The following RECK variants were observed in gnomAD, a reference collection of about 807,000 sequenced individuals.
RECK encodes reversion inducing cysteine rich protein with kazal motifs, also known as reversion-inducing cysteine-rich protein with Kazal motifs.
Under a neutral mutation model 115.1 loss-of-function variants are expected in RECK, and 69 were observed. That is an observed-to-expected ratio of 0.60 (90% CI 0.49 to 0.73). RECK has a LOEUF of 0.73. Among genes scored for constraint, RECK ranks in the 30% least tolerant of loss-of-function variants. RECK has a pLI of 0.00. For missense variants in RECK, 1,047 were observed against 1,203.7 expected (o/e 0.87, Z 1.93); for synonymous variants, 414 against 419.7 (o/e 0.99, Z 0.17).
chr9:36,117,072 T>C lies in RECK; in HGVS notation c.2148T>C (p.Cys716=), dbSNP rs1824296525. Residue 716 remains cysteine (C), a synonymous_variant, in exon 17 of 21, where the codon TGT becomes TGC. Transcript: ENST00000377966. The part of the protein sequence containing the change: ...QYECVPRQLA[C]DQVQDPVCDT... Reference sequence around the variant, plus strand: ...AGTGTGTACCAAGACAGCTCGCGTGTGACCAGGTCCAAGATCCTGTTTGTG... The same window carrying C: ...AGTGTGTACCAAGACAGCTCGCGTGCGACCAGGTCCAAGATCCTGTTTGTG... 3 of 1,614,186 alleles carry C rather than the reference T, an allele frequency of 1.9e-6. No homozygotes were observed. Among genetic ancestry groups the C allele is most frequent in the Non-Finnish European group, 2.5e-6 (3 of 1,180,010 alleles).
chr9:36,091,377 T>C (rs911563575), intron 10 of RECK, 34 bp downstream of exon 10: 6 of 1,350,324 alleles, frequency 4.4e-6, no homozygotes, highest in Non-Finnish European at 5.9e-6. Context: ...AATGGAAATA[T>C]TTTATCATTA....
chr9:36,061,809 A>G (rs1821779358), intron 4 of RECK, among the ~76,000 whole-genome samples: 1 of 152,214 alleles, frequency 6.6e-6, no homozygotes, highest in Admixed American at 6.5e-5. Flanking sequence ...TAAGCTTATA[A>G]TATGCAGTAT....
chr9:36,038,521 G>A (rs1322682714), intron 1 of RECK, among the ~76,000 whole-genome samples: 1 of 152,188 alleles, frequency 6.6e-6, no homozygotes, highest in Non-Finnish European at 1.5e-5. Flanking sequence ...CAACCAGTCA[G>A]TTCTGCAGGA....
chr9:36,121,628 C>G lies in RECK; in HGVS notation c.2634C>G (p.Ser878Arg), dbSNP rs1476319577. The G allele has an allele frequency of 1.2e-6, 2 of 1,614,064 alleles. No individual in the cohort carries two copies. Among genetic ancestry groups the G allele is most frequent in the East Asian group, 4.5e-5 (2 of 44,904 alleles). ...VPQCDVFGYF[S>R]IESEIVILII... is the part of the protein sequence containing the mutation. ...AGTGTGATGTGTTTGGATACTTCAG[C>G]ATTGAATCAGAAATTGTGATCCTGA... Residue 878 changes from serine (S) to arginine (R), a missense_variant, in exon 20 of 21, where the codon AGC becomes AGG. Transcript: ENST00000377966.
intron 1 of RECK, among the ~76,000 whole-genome samples, chr9:36,050,267 TCTC>T (rs1014522967): frequency 1.3e-5 from 2 of 152,198 alleles, no homozygotes; most frequent in Non-Finnish European, 2.9e-5. Context: ...CTCTCTGAGA[TCTC>T]CTCCCTTAGT....
chr9:36,094,330 G>C lies in RECK; in HGVS notation c.1085+2987G>C, dbSNP rs1239855203. Among the ~76,000 whole-genome samples the C allele has an allele frequency of 6.6e-6, 1 of 151,950 alleles. No homozygotes were observed. Among genetic ancestry groups the C allele is most frequent in the Non-Finnish European group, 1.5e-5 (1 of 67,966 alleles). On this transcript the variant is annotated intron_variant, in intron 10 of 20. Transcript: ENST00000377966. The surrounding 1 kb of genome is among the most constrained non-coding windows in gnomAD (Gnocchi z 4.1). The stretch of plus-strand genomic sequence containing the variant: ...TGACAGTAGCAAAAAGGATAAGAGA[G>C]AGGTAAATAATTATACCGTTATAAG...
chr9:36,069,247 T>C (rs946200691), intron 6 of RECK, among the ~76,000 whole-genome samples: 13 of 151,864 alleles, frequency 8.6e-5, no homozygotes, highest in Admixed American at 7.2e-4. Flanking sequence ...GGCTTACAAA[T>C]ATGAAGAGCA....
chr9:36,087,865 C>G lies in RECK; in HGVS notation c.809C>G (p.Ser270Cys). 1.9e-6 allele frequency: 3 copies of G among 1,613,996 alleles called. No individual in the cohort carries two copies. The highest frequency in any genetic ancestry group is 2.5e-6 in the Non-Finnish European group (3 of 1,179,876). ...LWQCFLESSQ[S>C]VHPGVTVHPP... is the part of the protein sequence containing the mutation. ...CAATGTTTTCTTGAAAGCTCACAAT[C>G]TGTTCACCCTGGAGTCACTGTACAC... is the stretch of plus-strand genomic sequence containing the variant. The change falls in exon 9 of 21, where the codon TCT becomes TGT. Residue 270 changes from serine to cysteine, a missense_variant. Coordinates refer to ENST00000377966, the MANE Select transcript of RECK (RefSeq NM_021111.3).
At chr9:36,049,416 CA>C (rs1427340838) in intron 1 of RECK, among the ~76,000 whole-genome samples, 2 of 152,058 alleles carry the variant, frequency 1.3e-5, no homozygotes, top group African/African-American at 4.8e-5. Flanking sequence ...CTATCTAGGT[CA>C]GGGGTGTCTA....
At chr9:36,122,758 TTGTC>T in intron 20 of RECK, 62 bp from the exon 21 acceptor site, 1 of 1,316,758 alleles carries the variant, frequency 7.6e-7, no homozygotes, top group African/African-American at 1.5e-5. Context: ...TACGTGGAAT[TTGTC>T]TGGCTTGATG....
intron 1 of RECK, among the ~76,000 whole-genome samples, chr9:36,049,605 G>A (rs547048112): frequency 3.1e-4 from 47 of 152,322 alleles, no homozygotes; most frequent in Admixed American, 1.0e-3. Flanking sequence ...CACCGTTTGG[G>A]CAAGCTTGAT....
intron 12 of RECK, 55 bp downstream of exon 12, chr9:36,102,285 C>T: frequency 1.4e-6 from 2 of 1,447,130 alleles, no homozygotes; most frequent in Admixed American, 2.0e-5. Flanking sequence ...TCTCTTCCAA[C>T]TATTTGTTTT....
At chr9:36,041,429 A>G (rs752869664) in intron 1 of RECK, among the ~76,000 whole-genome samples, 4 of 152,236 alleles carry the variant, frequency 2.6e-5, no homozygotes, top group Non-Finnish European at 5.9e-5. Flanking sequence ...ATCTAAAAAT[A>G]CTGACTGTTG....
In RECK at chr9:36,115,480, A is replaced by G. The variant is rs112424060; in HGVS notation, c.2061-1505A>G. On this transcript the variant is annotated intron_variant, in intron 16 of 20. Coordinates refer to ENST00000377966, the MANE Select transcript of RECK (RefSeq NM_021111.3). Reference sequence around the variant, plus strand: ...ACTTTTATTTGCCCCCAGATTCTCAACCTTTTTTTTATGATCCTCTTATTT... The same window carrying G: ...ACTTTTATTTGCCCCCAGATTCTCAGCCTTTTTTTTATGATCCTCTTATTT... Among the ~76,000 whole-genome samples the G allele has an allele frequency of 4.8e-3, 731 of 151,900 alleles. 4 individuals carry two copies. Among genetic ancestry groups the G allele is most frequent in the African/African-American group, 0.017 (691 of 41,380 alleles).
Position 36,063,812 on chromosome 9 carries a change from G to C in RECK, c.289G>C (p.Asp97His), listed in dbSNP as rs1821879198. ...SSLPGVFKKS[D>H]GWVGLGCCEL... ...TTTTTAAGGTGTGTTTAAGAAGTCT[G>C]ATGGCTGGGTTGGCTTAGGCTGCTG... Residue 97 changes from aspartate (D) to histidine (H), a missense_variant, in exon 5 of 21, where the codon GAT becomes CAT. Asp to His is a moderately conservative substitution (Grantham distance 81). Transcript: ENST00000377966. The C allele has an allele frequency of 1.2e-6, 2 of 1,614,070 alleles. No individual in the cohort carries two copies. Among genetic ancestry groups the C allele is most frequent in the African/African-American group, 1.3e-5 (1 of 75,056 alleles).
intron 19 of RECK, among the ~76,000 whole-genome samples, chr9:36,121,251 G>A (rs1217212863): frequency 6.6e-6 from 1 of 152,178 alleles, no homozygotes; most frequent in Non-Finnish European, 1.5e-5. Context: ...ACAAACACCT[G>A]TATTTTTAAA....
chr9:36,094,084 C>T lies in RECK; in HGVS notation c.1085+2741C>T, dbSNP rs7849295. Among the ~76,000 whole-genome samples, 3,812 of 152,138 alleles carry T rather than the reference C, an allele frequency of 0.025. 167 individuals carry two copies. The highest frequency in any genetic ancestry group is 0.085 in the African/African-American group (3,548 of 41,510). Reference sequence around the variant, plus strand: ...TCAGAATTTTCTGCCAGCAATCTCTCACTACAAGAAATTCTTCAGTCTGAA... The same window carrying T: ...TCAGAATTTTCTGCCAGCAATCTCTTACTACAAGAAATTCTTCAGTCTGAA... On this transcript the variant is annotated intron_variant, in intron 10 of 20. Transcript: ENST00000377966. The surrounding 1 kb of genome is among the most constrained non-coding windows in gnomAD (Gnocchi z 4.1).
In RECK at chr9:36,087,827, A is replaced by G. The variant is rs752408394; in HGVS notation, c.771A>G (p.Gln257=). The G allele has an allele frequency of 1.2e-6, 2 of 1,614,064 alleles. No homozygotes were observed. The highest frequency in any genetic ancestry group is 1.7e-5 in the Admixed American group (1 of 60,010). ...GTTGTAAGACCCAGCCCTTGCCTCAAGATCCTCTTTGGCAATGTTTTCTTG... is the reference window on the plus strand; with the variant it reads ...GTTGTAAGACCCAGCCCTTGCCTCAGGATCCTCTTTGGCAATGTTTTCTTG... The part of the protein sequence containing the change: ...IEGCKTQPLP[Q]DPLWQCFLES... Residue 257 remains glutamine, a synonymous_variant, in exon 9 of 21, where the codon CAA becomes CAG. Transcript: ENST00000377966.
rs757653054 is a variant in RECK at position 36,063,872 on chromosome 9, T to C, written c.349T>C (p.Cys117Arg). 1.2e-6 allele frequency: 2 copies of C among 1,614,010 alleles called. No homozygotes were observed. Among genetic ancestry groups the C allele is most frequent in the South Asian group, 2.2e-5 (2 of 91,082 alleles). The change falls in exon 5 of 21, where the codon TGC becomes CGC. Residue 117 changes from cysteine to arginine, a missense_variant. Physicochemically the swap from Cys to Arg is radical, Grantham distance 180. Transcript: ENST00000377966. ...LAIALECRQACKQASSKNDIS... is the reference protein window; with the variant it reads ...LAIALECRQARKQASSKNDIS... ...TATTGCCTTGGAGTGTCGACAGGCA[T>C]GCAAGCAGGTAACACTGGGTAGTCA...
Sources: allele counts gnomAD v4.1 joint callset (sites outside exome capture counted in the v4.1 genomes callset), GRCh38; gene constraint gnomAD v4.1.1; non-coding constraint Gnocchi (gnomAD v3.1); transcripts MANE v1.5; gene names NCBI Gene and HGNC (gene_info 2026-07-23, HGNC 2026-07-21).